The following JAKMIP3 variants were observed in gnomAD, a reference collection of about 807,000 sequenced individuals.
JAKMIP3 encodes Janus kinase and microtubule interacting protein 3, also known as janus kinase and microtubule-interacting protein 3.
A neutral mutation model predicts 118.5 loss-of-function variants in JAKMIP3; 58 were observed. The ratio of observed to expected loss-of-function variants is 0.49; its 90% CI spans 0.40 to 0.61. JAKMIP3 has a LOEUF of 0.61. Among genes scored for constraint, JAKMIP3 ranks in the 20% least tolerant of loss-of-function variants. The pLI is 0.00. For synonymous variants in JAKMIP3, 486 were observed against 451.2 expected, an observed-to-expected ratio of 1.08 and a Z score of -0.98; for missense variants, 950 against 1,109.0, an observed-to-expected ratio of 0.86 and a Z score of 2.04.
intron 1 of JAKMIP3, among the ~76,000 whole-genome samples, chr10:132,101,941 G>A (rs12220958): frequency 0.19 from 28,749 of 151,760 alleles, 2,830 homozygotes; most frequent in East Asian, 0.29. Context: ...AGGGAGGACT[G>A]TGGGAGGTGG....
chr10:132,091,749 T>C (rs1382627070), intron 1 of JAKMIP3, among the ~76,000 whole-genome samples: 2 of 152,256 alleles, frequency 1.3e-5, no homozygotes, highest in Non-Finnish European at 2.9e-5. Flanking sequence ...TGTCTTTTCA[T>C]TGGAGCATTT....
intron 1 of JAKMIP3, among the ~76,000 whole-genome samples, chr10:132,075,077 T>G (rs1190440648): frequency 6.6e-6 from 1 of 152,238 alleles, no homozygotes; most frequent in African/African-American, 2.4e-5. Context: ...TTGGTTACTA[T>G]AACTTTGTAG....
intron 21 of JAKMIP3, among the ~76,000 whole-genome samples, chr10:132,166,555 T>C (rs2058923291): frequency 6.6e-6 from 1 of 152,206 alleles, no homozygotes. Context: ...TTTTGTTTGC[T>C]GGGCACTTGG....
At chr10:132,045,520 C>A (rs1307122186) in intron 1 of JAKMIP3, among the ~76,000 whole-genome samples, 1 of 152,122 alleles carries the variant, frequency 6.6e-6, no homozygotes. Context: ...TCTTCCAGCC[C>A]TCAAGGAGAG....
At chr10:132,149,304 G>A (rs1457226309) in intron 14 of JAKMIP3, 108 bp from the exon 15 acceptor site, 1 of 712,048 alleles carries the variant, frequency 1.4e-6, no homozygotes, top group Non-Finnish European at 2.3e-6. Flanking sequence ...ATGCTGTGTT[G>A]ATCCCTGGTT....
At chr10:132,171,652 CTTTTTT>C (rs34371364) in intron 23 of JAKMIP3, among the ~76,000 whole-genome samples, 8 of 135,768 alleles carry the variant, frequency 5.9e-5, no homozygotes, top group South Asian at 2.3e-4. Context: ...TTTTTTCTTT[CTTTTTT>C]TTTTTTTTTT....
At chr10:132,060,553 G>A (rs1053543052), upstream of JAKMIP3, among the ~76,000 whole-genome samples, 1 of 152,204 alleles carries the variant, frequency 6.6e-6, no homozygotes, top group African/African-American at 2.4e-5. Flanking sequence ...CTGCAAGGCA[G>A]GAATGAGAGA....
chr10:132,155,128 T>A (rs1329122565), intron 19 of JAKMIP3, among the ~76,000 whole-genome samples: 1 of 142,242 alleles, frequency 7.0e-6, no homozygotes, highest in East Asian at 2.1e-4. Flanking sequence ...ATGATGATGG[T>A]GATGGTGGTG....
At chr10:132,180,720 C>T (rs1251228667) in intron 23 of JAKMIP3, among the ~76,000 whole-genome samples, 350 of 16,998 alleles carry the variant, frequency 0.021, 57 homozygotes, top group East Asian at 0.12. Flanking sequence ...CGTGTGTGTG[C>T]GTGTGTGTGC....
intron 4 of JAKMIP3, 30 bp downstream of exon 4, chr10:132,133,557 C>A: frequency 6.5e-7 from 1 of 1,538,344 alleles, no homozygotes. Flanking sequence ...ACCGGCCCAC[C>A]CCGTGTCACA....
intron 11 of JAKMIP3, among the ~76,000 whole-genome samples, chr10:132,142,769 C>T (rs1178699131): frequency 2.0e-5 from 3 of 152,280 alleles, no homozygotes; most frequent in African/African-American, 7.2e-5. Flanking sequence ...CACAGCGAGA[C>T]GGGCTGCTTT....
At chr10:132,045,548 GGT>G (rs2037882830) in intron 1 of JAKMIP3, among the ~76,000 whole-genome samples, 1 of 152,106 alleles carries the variant, frequency 6.6e-6, no homozygotes, top group Non-Finnish European at 1.5e-5. Context: ...TGTGAGCTGA[GGT>G]GTCGAGAGGG....
intron 22 of JAKMIP3, 96 bp from the exon 23 acceptor site, chr10:132,167,857 C>CCTCTTGG (rs796856206): frequency 2.7e-6 from 2 of 733,090 alleles, no homozygotes; most frequent in African/African-American, 2.0e-5. Flanking sequence ...TCGCCCCTCA[C>CCTCTTGG]CCCTCGGCCC....
chr10:132,159,827 C>CGTG (rs1425518894), intron 19 of JAKMIP3, among the ~76,000 whole-genome samples: 16 of 42,970 alleles, frequency 3.7e-4, no homozygotes, highest in East Asian at 1.8e-3. Context: ...GCTGGGGGGC[C>CGTG]TCTCCCTGTG....
chr10:132,146,713 T>C (rs367802884), intron 13 of JAKMIP3, among the ~76,000 whole-genome samples: 1 of 152,208 alleles, frequency 6.6e-6, no homozygotes, highest in Non-Finnish European at 1.5e-5. Flanking sequence ...TCTGCACTGC[T>C]GCCAGCCCAG....
chr10:132,045,353 C>A (rs2037877697), intron 1 of JAKMIP3, among the ~76,000 whole-genome samples: 3 of 152,184 alleles, frequency 2.0e-5, no homozygotes, highest in African/African-American at 4.8e-5. Flanking sequence ...GGGCGCGTCT[C>A]TGTCTCCCCG....
At position 132,053,588 on chromosome 10, in the gene JAKMIP3, TG is replaced by T. The variant is rs373733875; in HGVS notation, c.-138+16853del. ...CTCTCAGCACTTTTGTTACCTTAAG[TG>T]GGAGGTGAGTTCAGACCCCAACCAA... On this transcript the variant is annotated intron_variant, in intron 1 of 23. Coordinates refer to the JAKMIP3 transcript ENST00000657785. Among the ~76,000 whole-genome samples the T allele has an allele frequency of 1.5e-3, 236 of 152,342 alleles. 1 individual carries two copies. The highest frequency in any genetic ancestry group is 4.9e-3 in the African/African-American group (205 of 41,578).
chr10:132,078,649 A>C (rs1340957011), intron 1 of JAKMIP3, among the ~76,000 whole-genome samples: 6 of 148,412 alleles, frequency 4.0e-5, no homozygotes, highest in Non-Finnish European at 6.0e-5. Context: ...GTTTCTGGCC[A>C]TGTGCTCCTG....
At chr10:132,114,373 C>G (rs2047316381) in intron 2 of JAKMIP3, among the ~76,000 whole-genome samples, 1 of 152,192 alleles carries the variant, frequency 6.6e-6, no homozygotes, top group South Asian at 2.1e-4. Flanking sequence ...CATCACTGCA[C>G]CTGGCTAATT....
Sources: gnomAD v4.1 joint callset for allele counts (sites outside exome capture counted in the v4.1 genomes callset) on GRCh38, gnomAD v4.1.1 for gene constraint, MANE v1.5 for transcripts, NCBI Gene and HGNC (gene_info 2026-07-23, HGNC 2026-07-21) for gene names.